TMOD1: variants seen among roughly 807,000 people sequenced by gnomAD.
The protein encoded by TMOD1 is tropomodulin 1, also known as tropomodulin-1.
In TMOD1, 17 loss-of-function variants were observed where a neutral mutation model predicts 40.6. The observed-to-expected ratio is 0.42, with a 90% CI of 0.29 to 0.63. The LOEUF (loss-of-function observed/expected upper bound fraction) is 0.63, where lower values mean the gene tolerates loss of function less well. Among genes scored for constraint, TMOD1 ranks in the 20% least tolerant of loss-of-function variants. TMOD1 has a pLI of 0.22. For synonymous variants in TMOD1, 181 were observed against 175.0 expected (o/e 1.03, Z -0.27); for missense variants, 391 against 447.6 (o/e 0.87, Z 1.14).
At chr9:97,526,027 T>C (rs1053163758) in intron 2 of TMOD1, among the ~76,000 whole-genome samples, 3 of 152,138 alleles carry the variant, frequency 2.0e-5, no homozygotes, top group Admixed American at 6.5e-5. Context: ...ATGGGAGAAA[T>C]GGCATCCGCA....
intron 3 of TMOD1, among the ~76,000 whole-genome samples, chr9:97,552,527 G>A (rs773436167): frequency 6.6e-6 from 1 of 152,192 alleles, no homozygotes; most frequent in African/African-American, 2.4e-5. Flanking sequence ...CCCCAGAAAG[G>A]TGCCTGGCAC....
At chr9:97,508,742 T>C (rs1587909350) in intron 1 of TMOD1, among the ~76,000 whole-genome samples, 1 of 151,936 alleles carries the variant, frequency 6.6e-6, no homozygotes, top group East Asian at 1.9e-4. Flanking sequence ...TTAAACAGGG[T>C]CCCCCCCAAA....
At chr9:97,504,738 CTTAT>C (rs1829564995) in intron 1 of TMOD1, among the ~76,000 whole-genome samples, 2 of 152,260 alleles carry the variant, frequency 1.3e-5, no homozygotes, top group East Asian at 1.9e-4. Context: ...ATAACCTTGG[CTTAT>C]TTATTTCTGA....
rs1262424321 is a variant in TMOD1 at position 97,502,866 on chromosome 9, G to T, written c.-49+1063G>T. 6.6e-6 allele frequency among the ~76,000 whole-genome samples: 1 copy of T among 152,204 alleles called. No homozygotes were observed. Among genetic ancestry groups the T allele is most frequent in the Non-Finnish European group, 1.5e-5 (1 of 68,038 alleles). On this transcript the variant is annotated intron_variant, in intron 1 of 9. Transcript: ENST00000259365. This position sits in a 1 kb window ranked among gnomAD's most constrained non-coding sequence, Gnocchi z 6.1. The stretch of plus-strand genomic sequence containing the variant: ...GGGCAGGGGCAGTGGTTCCAGTACA[G>T]CCGCTCCCTGGCCACAGTTTCCCGG...
At chr9:97,575,926 ATTTT>A (rs1830930643) in intron 8 of TMOD1, among the ~76,000 whole-genome samples, 1 of 152,226 alleles carries the variant, frequency 6.6e-6, no homozygotes, top group Admixed American at 6.5e-5. Flanking sequence ...AGCAGTCTCA[ATTTT>A]AATTTGAAAG....
chr9:97,601,408 G>A lies in TMOD1; in HGVS notation c.*1710G>A, dbSNP rs1826256339. The A allele has an allele frequency of 1.9e-6, 2 of 1,037,020 alleles. No homozygotes were observed. The highest frequency in any genetic ancestry group is 2.3e-6 in the Non-Finnish European group (2 of 859,652). 64.2% of individuals were successfully genotyped at this position (1,037,020 alleles called of 1,614,324 possible). On this transcript the variant is annotated 3_prime_UTR_variant, in exon 10 of 10. Coordinates refer to ENST00000259365, the MANE Select transcript of TMOD1 (RefSeq NM_003275.4). ...CTGATCTAAAAACTGTGGCTCAAAT[G>A]TCACCGAGCTTATATGAAGCTCCCA...
At chr9:97,530,393 G>A (rs1490520055) in intron 2 of TMOD1, among the ~76,000 whole-genome samples, 1 of 151,964 alleles carries the variant, frequency 6.6e-6, no homozygotes, top group Admixed American at 6.5e-5. Context: ...CAGCTGTCAG[G>A]AATCTGTGAC....
chr9:97,567,056 C>A (rs534189065), intron 7 of TMOD1, among the ~76,000 whole-genome samples: 55 of 152,308 alleles, frequency 3.6e-4, no homozygotes, highest in African/African-American at 1.3e-3. Flanking sequence ...TAGTAGCAAT[C>A]GATTTTTTTC....
At chr9:97,514,353 A>G (rs1386249067) in intron 1 of TMOD1, among the ~76,000 whole-genome samples, 1 of 151,328 alleles carries the variant, frequency 6.6e-6, no homozygotes, top group East Asian at 1.9e-4. Context: ...CTTGACCTCA[A>G]GTGATCCGTC....
At chr9:97,561,200 A>AC (rs1830636026) in intron 4 of TMOD1, among the ~76,000 whole-genome samples, 1 of 152,216 alleles carries the variant, frequency 6.6e-6, no homozygotes, top group African/African-American at 2.4e-5. Context: ...CTCAGGTCAG[A>AC]CCATCTCACT....
At chr9:97,508,856 C>T (rs186883664) in intron 1 of TMOD1, among the ~76,000 whole-genome samples, 3 of 152,290 alleles carry the variant, frequency 2.0e-5, no homozygotes, top group East Asian at 1.9e-4. Context: ...GATTAGGGTA[C>T]GTCCTAACTA....
chr9:97,540,105 CA>C (rs1266642957), intron 2 of TMOD1, among the ~76,000 whole-genome samples: 2 of 152,136 alleles, frequency 1.3e-5, no homozygotes, highest in Non-Finnish European at 2.9e-5. Context: ...TTCATCACCT[CA>C]AAAAGAAACC....
At chr9:97,567,216 T>C (rs1830741772) in intron 7 of TMOD1, among the ~76,000 whole-genome samples, 2 of 152,218 alleles carry the variant, frequency 1.3e-5, no homozygotes, top group South Asian at 4.1e-4. Flanking sequence ...GGAACACAGC[T>C]GGCAAAGCCA....
upstream of TMOD1, chr9:97,501,227 C>T (rs1351158547): frequency 3.3e-5 from 5 of 152,194 alleles, no homozygotes; most frequent in Admixed American, 1.3e-4. Context: ...CCCACCTGGC[C>T]GCGCTGCTGG....
intron 9 of TMOD1, among the ~76,000 whole-genome samples, chr9:97,597,976 C>T (rs1350793943): frequency 6.6e-6 from 1 of 152,008 alleles, no homozygotes; most frequent in Non-Finnish European, 1.5e-5. Context: ...AAACCCTACC[C>T]ACACAAGGCT....
chr9:97,542,848 T>TAAAA (rs1830294646), intron 2 of TMOD1, among the ~76,000 whole-genome samples: 1 of 67,206 alleles, frequency 1.5e-5, no homozygotes, highest in African/African-American at 7.4e-5. Flanking sequence ...AGACTCCATC[T>TAAAA]CAAAAAAAAA....
chr9:97,566,004 G>C, intron 7 of TMOD1, 49 bp downstream of exon 7: 1 of 1,528,230 alleles, frequency 6.5e-7, no homozygotes. Flanking sequence ...CCTTGAAACA[G>C]AAGGGTTGAA....
At chr9:97,547,949 T>A (rs1472381069) in intron 3 of TMOD1, among the ~76,000 whole-genome samples, 1 of 152,132 alleles carries the variant, frequency 6.6e-6, no homozygotes, top group Non-Finnish European at 1.5e-5. Flanking sequence ...TGAGCTAAAA[T>A]TAAATAAATG....
rs1318551811 is a variant in TMOD1, at chr9:97,573,595, C to T, written c.870+4558C>T. On this transcript the variant is annotated intron_variant, in intron 8 of 9. Coordinates refer to ENST00000259365, the MANE Select transcript of TMOD1 (RefSeq NM_003275.4). ...GTATTAACTCACCATTTCTGAGGGCCAGGAATCCAGGAGCAGTGTGGCTGG... is the reference window on the plus strand; with the variant it reads ...GTATTAACTCACCATTTCTGAGGGCTAGGAATCCAGGAGCAGTGTGGCTGG... Among the ~76,000 whole-genome samples the T allele has an allele frequency of 2.0e-5, 3 of 152,180 alleles. No individual in the cohort carries two copies. In the East Asian group the frequency reaches 5.8e-4, roughly 29 times the overall value.
Sources: gnomAD v4.1 joint callset for allele counts (sites outside exome capture counted in the v4.1 genomes callset) on GRCh38, gnomAD v4.1.1 for gene constraint, Gnocchi (gnomAD v3.1) non-coding constraint, MANE v1.5 for transcripts, NCBI Gene and HGNC (gene_info 2026-07-23, HGNC 2026-07-21) for gene names.